CDC14A: variants seen among roughly 807,000 people sequenced by gnomAD.
The protein encoded by CDC14A is dual specificity protein phosphatase CDC14A.
In CDC14A, 53 loss-of-function variants were observed where a neutral mutation model predicts 74.4. The ratio of observed to expected loss-of-function variants is 0.71; its 90% CI spans 0.57 to 0.89. CDC14A has a LOEUF of 0.89. Ranked by LOEUF, CDC14A falls within the 40% of genes least tolerant of loss-of-function variation. The pLI is 0.00. For missense variants in CDC14A, 646 were observed against 713.7 expected (o/e 0.91, Z 1.08); for synonymous variants, 247 against 258.4 (o/e 0.96, Z 0.43).
At chr1:100,412,757 A>C (rs1481058654) in intron 4 of CDC14A, among the ~76,000 whole-genome samples, 1 of 95,030 alleles carries the variant, frequency 1.1e-5, no homozygotes. Flanking sequence ...TATATATTTT[A>C]TATATATATA....
intron 3 of CDC14A, among the ~76,000 whole-genome samples, chr1:100,381,151 C>T (rs947878417): frequency 6.6e-6 from 1 of 152,212 alleles, no homozygotes; most frequent in African/African-American, 2.4e-5. Flanking sequence ...CACACAGAGA[C>T]TTCTTTTGAC....
At chr1:100,357,297 C>T (rs1479370284) in intron 2 of CDC14A, among the ~76,000 whole-genome samples, 1 of 151,826 alleles carries the variant, frequency 6.6e-6, no homozygotes, top group African/African-American at 2.4e-5. Context: ...ACAAGTAGAA[C>T]CAGGATGGGA....
At chr1:100,345,710 A>C (rs1232881882) in intron 1 of CDC14A, among the ~76,000 whole-genome samples, 1 of 152,262 alleles carries the variant, frequency 6.6e-6, no homozygotes. Flanking sequence ...CATTTATAAA[A>C]TGGAAATAAT....
chr1:100,357,225 A>G (rs1652039838), intron 2 of CDC14A, among the ~76,000 whole-genome samples: 1 of 152,176 alleles, frequency 6.6e-6, no homozygotes, highest in African/African-American at 2.4e-5. Context: ...AAAGAGACTA[A>G]TAAAGCTGTG....
chr1:100,515,032 T>A (rs1416428208), intron 15 of CDC14A, among the ~76,000 whole-genome samples: 1 of 152,210 alleles, frequency 6.6e-6, no homozygotes, highest in Non-Finnish European at 1.5e-5. Context: ...TAGTTGGTAG[T>A]CCTACCTGTG....
intron 3 of CDC14A, among the ~76,000 whole-genome samples, chr1:100,387,114 C>G (rs1216986829): frequency 2.0e-5 from 3 of 151,904 alleles, no homozygotes; most frequent in Non-Finnish European, 2.9e-5. Flanking sequence ...ACCAAAGTAT[C>G]TTCTCTGTTG....
chr1:100,430,604 G>A (rs1255716168), intron 5 of CDC14A, among the ~76,000 whole-genome samples: 1 of 152,176 alleles, frequency 6.6e-6, no homozygotes, highest in Non-Finnish European at 1.5e-5. Context: ...AACCACTTAG[G>A]ACTTGGCATC....
At chr1:100,346,979 C>T (rs1243552954) in intron 1 of CDC14A, among the ~76,000 whole-genome samples, 1 of 152,144 alleles carries the variant, frequency 6.6e-6, no homozygotes, top group African/African-American at 2.4e-5. Context: ...ATAGAAGCCA[C>T]ACAAAAACAA....
chr1:100,369,137 C>T (rs931719397), intron 2 of CDC14A, among the ~76,000 whole-genome samples: 1 of 148,984 alleles, frequency 6.7e-6, no homozygotes, highest in Admixed American at 6.7e-5. Flanking sequence ...AGTGCAGTGG[C>T]GCAATCTCGG....
Position 100,471,153 on chromosome 1 carries a change from GA to G in CDC14A, c.977+3068del, listed in dbSNP as rs562290781. On this transcript the variant is annotated intron_variant, in intron 10 of 15. Transcript: ENST00000336454. ...GATGAATATCATATTATTGTAAGAG[GA>G]AAAAAAAAGCCAGACACAAAATAAT... Among the ~76,000 whole-genome samples, 1,355 of 150,208 alleles carry G rather than the reference GA, an allele frequency of 9.0e-3. 11 individuals carry two copies. The highest frequency in any genetic ancestry group is 0.024 in the African/African-American group (974 of 41,070).
At chr1:100,353,052 C>G (rs1294125581) in intron 1 of CDC14A, 49 bp downstream of exon 1, 1 of 1,592,152 alleles carries the variant, frequency 6.3e-7, no homozygotes, top group South Asian at 1.1e-5. Context: ...GCCCCCAACT[C>G]TTCACTTCCC....
intron 7 of CDC14A, among the ~76,000 whole-genome samples, chr1:100,451,957 C>T (rs1350896803): frequency 6.6e-6 from 1 of 152,190 alleles, no homozygotes; most frequent in African/African-American, 2.4e-5. Context: ...CACCAAGTTA[C>T]AGTCCTTGAT....
rs1651485657 is a variant in CDC14A, at chr1:100,353,839, C to G, written c.127C>G (p.Leu43Val). The change falls in exon 2 of 16, where the codon CTG becomes GTG. Residue 43 changes from leucine to valine, a missense_variant. Leu to Val is a conservative substitution (Grantham distance 32). Coordinates refer to ENST00000336454, the MANE Select transcript of CDC14A (RefSeq NM_003672.4). ...CCACTATTTCTCCATCGATGAGGAG[C>G]TGGTCTATGAAAAGTAAGTTTATGT... ...NTHYFSIDEE[L>V]VYENFYADFG... 6.2e-7 allele frequency: 1 copy of G among 1,601,034 alleles called. No individual in the cohort carries two copies. Among genetic ancestry groups the G allele is most frequent in the Admixed American group, 1.7e-5 (1 of 59,500 alleles).
chr1:100,350,235 A>T (rs1650813212), upstream of CDC14A, among the ~76,000 whole-genome samples: 1 of 151,936 alleles, frequency 6.6e-6, no homozygotes. Flanking sequence ...GATTACAGGC[A>T]TGAGCCACCG....
At chr1:100,475,225 A>G (rs1668771649) in intron 10 of CDC14A, among the ~76,000 whole-genome samples, 1 of 152,096 alleles carries the variant, frequency 6.6e-6, no homozygotes, top group African/African-American at 2.4e-5. Context: ...CATTTTGGTT[A>G]TATGCTATTC....
At chr1:100,501,417 A>G (rs924083028) in intron 15 of CDC14A, among the ~76,000 whole-genome samples, 10 of 152,192 alleles carry the variant, frequency 6.6e-5, no homozygotes, top group African/African-American at 2.4e-4. Flanking sequence ...CCATAAGACT[A>G]TAATGGAGCT....
chr1:100,444,265 T>C (rs1483555424), intron 7 of CDC14A, among the ~76,000 whole-genome samples: 1 of 152,186 alleles, frequency 6.6e-6, no homozygotes, highest in African/African-American at 2.4e-5. Flanking sequence ...CTTCCTTCCC[T>C]CTGACTCAGG....
At chr1:100,396,695 TAAC>T (rs1658548357) in intron 4 of CDC14A, among the ~76,000 whole-genome samples, 1 of 152,226 alleles carries the variant, frequency 6.6e-6, no homozygotes, top group Non-Finnish European at 1.5e-5. Flanking sequence ...AAAATATACG[TAAC>T]ATGAAACTTG....
chr1:100,366,381 G>A (rs1653614994), intron 2 of CDC14A, among the ~76,000 whole-genome samples: 2 of 152,166 alleles, frequency 1.3e-5, no homozygotes, highest in African/African-American at 4.8e-5. Context: ...TTCACATGAA[G>A]CTTCTAATGT....
Sources: allele counts gnomAD v4.1 joint callset (sites outside exome capture counted in the v4.1 genomes callset), GRCh38; gene constraint gnomAD v4.1.1; transcripts MANE v1.5; gene names NCBI Gene and HGNC (gene_info 2026-07-23, HGNC 2026-07-21).